Variants in CUL9 observed in about 807,000 individuals in gnomAD.
CUL9 encodes cullin 9.
Under a neutral mutation model 272.6 loss-of-function variants are expected in CUL9, and 79 were observed. That is an observed-to-expected ratio of 0.29 (90% CI 0.24 to 0.35). The LOEUF (loss-of-function observed/expected upper bound fraction) is 0.35. CUL9 is among the 10% of genes least tolerant of loss of function. CUL9 has a pLI of 1.00. For synonymous variants in CUL9, 1,186 were observed against 1,286.5 expected (o/e 0.92, Z 1.67); for missense variants, 2,532 against 3,255.6 (o/e 0.78, Z 5.41).
At chr6:43,216,652 T>A (rs187946903) in intron 31 of CUL9, 149 bp downstream of exon 31, 19 of 754,640 alleles carry the variant, frequency 2.5e-5, no homozygotes, top group Non-Finnish European at 3.3e-5. Flanking sequence ...TTAAACTAGT[T>A]TTGTCATCTG....
At chr6:43,185,881 G>A in intron 3 of CUL9, 74 bp from the exon 4 acceptor site, 2 of 1,515,432 alleles carry the variant, frequency 1.3e-6, no homozygotes, top group Middle Eastern at 1.8e-4. Flanking sequence ...TTTCTGTAGA[G>A]GAGGATACTT....
chr6:43,196,542 G>A, intron 10 of CUL9, 103 bp from the exon 11 acceptor site: 1 of 1,070,376 alleles, frequency 9.3e-7, no homozygotes, highest in Non-Finnish European at 1.5e-6. Flanking sequence ...AGGGCCCACT[G>A]GAGCCCTTTG....
intron 24 of CUL9, 81 bp from the exon 25 acceptor site, chr6:43,205,926 G>C: frequency 8.0e-7 from 1 of 1,243,690 alleles, no homozygotes. Flanking sequence ...CAGAGGGACA[G>C]AGGGACCTAC....
Position 43,224,103 on chromosome 6 carries a change from GGT to G in CUL9, c.7294_7295del (p.Val2432TrpfsTer38). 6.2e-7 allele frequency: 1 copy of G among 1,614,192 alleles called. No individual in the cohort carries two copies. Among genetic ancestry groups the G allele is most frequent in the Non-Finnish European group, 8.5e-7 (1 of 1,180,028 alleles). ...ILQHSAQDFRVGLQSPSVEAW... is the reference protein window; with the variant it reads ...ILQHSAQDFRXGLQSPSVEAW... ...TTCTGTCTGCTCACCAGGATTTCCG[GGT>G]TGGTCTTCAGAGTCCATCAGTAGAG... On this transcript the variant is annotated frameshift_variant, in exon 40 of 41. Transcript: ENST00000252050. LOFTEE classifies it high-confidence loss of function. This position sits in a 1 kb window ranked among gnomAD's most constrained non-coding sequence, Gnocchi z 4.2.
chr6:43,196,902 A>G lies in CUL9; in HGVS notation c.2803+40A>G, dbSNP rs767820052. The G allele has an allele frequency of 2.0e-6, 3 of 1,527,224 alleles. No individual in the cohort carries two copies. The South Asian group carries it at 3.4e-5, about 17-fold the overall frequency. The allele number at this position is 1,527,224 out of a possible 1,614,324, so 94.6% of individuals were successfully genotyped here. A position where few individuals can be genotyped will look rare whatever the true frequency, so the allele number is the denominator to read the frequency against. ...GGGTGGTTTTGCAGAGGAATCACACAGTGCCAGCCAGGTTTACATATCAGC... is the reference window on the plus strand; with the variant it reads ...GGGTGGTTTTGCAGAGGAATCACACGGTGCCAGCCAGGTTTACATATCAGC... On this transcript the variant is annotated intron_variant, in intron 11 of 40. Transcript: ENST00000252050.
rs777956158 is a variant in CUL9, at chr6:43,185,561, C to T, written c.701C>T (p.Thr234Ile). 6.2e-7 allele frequency: 1 copy of T among 1,613,862 alleles called. No homozygotes were observed. The highest frequency in any genetic ancestry group is 1.1e-5 in the South Asian group (1 of 91,086). ...YTLLELFAET[T>I]SSEEHCMAFE... Reference sequence around the variant, plus strand: ...TTGCTGGAGCTGTTTGCAGAAACCACATCCTCTGAAGAACACTGCATGGCC... The same window carrying T: ...TTGCTGGAGCTGTTTGCAGAAACCATATCCTCTGAAGAACACTGCATGGCC... The change falls in exon 3 of 41, where the codon ACA (threonine) becomes ATA (isoleucine). Residue 234 changes from threonine to isoleucine, a missense_variant. Around this residue, in one of 3 missense-constraint regions of CUL9, gnomAD observed 2,218 missense variants for 2,788.6 expected, o/e 0.80. Coordinates refer to ENST00000252050, the MANE Select transcript of CUL9 (RefSeq NM_015089.4).
chr6:43,191,311 G>GT (rs57206839), intron 8 of CUL9, among the ~76,000 whole-genome samples: 2,780 of 111,622 alleles, frequency 0.025, 126 homozygotes, highest in African/African-American at 0.097. Flanking sequence ...TTTTTTTTTT[G>GT]TTTGTTTTTT....
In CUL9 at chr6:43,221,187, G is replaced by A; in HGVS notation, c.6618G>A (p.Met2206Ile). The A allele has an allele frequency of 1.9e-6, 3 of 1,611,514 alleles. No homozygotes were observed. The highest frequency in any genetic ancestry group is 2.5e-6 in the Non-Finnish European group (3 of 1,179,982). ...ACTACCCTGCTAGCTGTGGCCATAT[G>A]TCTCAGTGGGTCGACGACGGTGGCT... Reference protein sequence around the residue: ...EAHYPASCGHMSQWVDDGGYY... With the variant: ...EAHYPASCGHISQWVDDGGYY... Residue 2206 changes from methionine (M) to isoleucine (I), a missense_variant, in exon 34 of 41, where the codon ATG becomes ATA. Transcript: ENST00000252050. The surrounding 1 kb of genome is among the most constrained non-coding windows in gnomAD (Gnocchi z 4.2).
Position 43,188,587 on chromosome 6 carries a change from C to T in CUL9, c.2052C>T (p.Val684=), listed in dbSNP as rs141369784. 3,752 of 1,614,154 alleles carry T rather than the reference C, an allele frequency of 2.3e-3. 8 individuals carry two copies. The highest frequency in any genetic ancestry group is 2.8e-3 in the Non-Finnish European group (3,348 of 1,180,032). Reference sequence around the variant, plus strand: ...CCCTGGATCAGCATGTGGCAGCGGTCGTGGCCACTGTGCAGATATCCAGCT... The same window carrying T: ...CCCTGGATCAGCATGTGGCAGCGGTTGTGGCCACTGTGCAGATATCCAGCT... ...RSSLDQHVAA[V]VATVQISSLD... Residue 684 remains valine, a synonymous_variant, in exon 8 of 41, where the codon GTC becomes GTT. Transcript: ENST00000252050.
chr6:43,214,039 C>A, intron 29 of CUL9, 127 bp downstream of exon 29: 3 of 904,946 alleles, frequency 3.3e-6, no homozygotes, highest in Admixed American at 2.2e-5. Flanking sequence ...GTTTTCTGTT[C>A]CTGACAGAGC....
At chr6:43,196,482 G>A in intron 10 of CUL9, 163 bp from the exon 11 acceptor site, 1 of 801,810 alleles carries the variant, frequency 1.2e-6, no homozygotes, top group South Asian at 1.6e-5. Flanking sequence ...TTCCCTTTAT[G>A]GGTTTGGGAG....
chr6:43,194,962 G>A (rs1773872357), intron 9 of CUL9, among the ~76,000 whole-genome samples: 1 of 152,134 alleles, frequency 6.6e-6, no homozygotes, highest in Non-Finnish European at 1.5e-5. Context: ...GGCTGAGGCG[G>A]GAGAATCGCT....
rs1562015701 is a variant in CUL9, at chr6:43,188,494, T to C, written c.1988-29T>C. ...TAACTTCAAGGTGCCACAGTTCTTT[T>C]AGCCATTGCCTTTTCCCACCAATTT... On this transcript the variant is annotated intron_variant, in intron 7 of 40. Coordinates refer to ENST00000252050, the MANE Select transcript of CUL9 (RefSeq NM_015089.4). 7 of 1,558,964 alleles carry C rather than the reference T, an allele frequency of 4.5e-6. No homozygotes were observed. The East Asian group carries it at 6.8e-5, about 15-fold the overall frequency.
In CUL9 at chr6:43,203,570, C is replaced by T. The variant is rs748989526; in HGVS notation, c.4003C>T (p.Arg1335Cys). 4.8e-5 allele frequency: 77 copies of T among 1,613,342 alleles called. No homozygotes were observed. The highest frequency in any genetic ancestry group is 6.2e-5 in the Non-Finnish European group (73 of 1,179,960). Reference sequence around the variant, plus strand: ...CCGGGACATAGCAGAGGACCACCGGCGCCTCCTCCAGCTCTGTCCCAGGTG... The same window carrying T: ...CCGGGACATAGCAGAGGACCACCGGTGCCTCCTCCAGCTCTGTCCCAGGTG... ...WSRDIAEDHR[R>C]LLQLCPRLNR... The change falls in exon 19 of 41, where the codon CGC becomes TGC. Residue 1335 changes from arginine to cysteine, a missense_variant. By Grantham distance (180) the Arg-to-Cys change is radical. Coordinates refer to ENST00000252050, the MANE Select transcript of CUL9 (RefSeq NM_015089.4). This position sits in a 1 kb window ranked among gnomAD's most constrained non-coding sequence, Gnocchi z 5.0.
chr6:43,198,572 TCATC>T, intron 11 of CUL9, 33 bp from the exon 12 acceptor site: 4 of 1,608,460 alleles, frequency 2.5e-6, no homozygotes, highest in Non-Finnish European at 3.4e-6. Flanking sequence ...GTAAGACTCT[TCATC>T]CACATTTTTC....
chr6:43,196,787 A>T lies in CUL9; in HGVS notation c.2728A>T (p.Met910Leu). Residue 910 changes from methionine to leucine, a missense_variant, in exon 11 of 41, where the codon ATG (methionine) becomes TTG (leucine). Physicochemically the swap from Met to Leu is conservative, Grantham distance 15. This residue lies in a region of CUL9 where 2,218 missense variants were observed against 2,788.6 expected (regional missense o/e 0.80). Transcript: ENST00000252050. ...HSGIAPRTEP[M>L]PTTRTILMML... ...AGGGATAGCACCAAGAACAGAACCT[A>T]TGCCTACCACACGCACCATCCTCAT... is the stretch of plus-strand genomic sequence containing the variant. The T allele has an allele frequency of 6.2e-7, 1 of 1,614,164 alleles. No individual in the cohort carries two copies. Among genetic ancestry groups the T allele is most frequent in the South Asian group, 1.1e-5 (1 of 91,080 alleles).
At position 43,216,621 on chromosome 6, in the gene CUL9, G is replaced by A. The variant is rs918249565; in HGVS notation, c.6282+118G>A. 3.2e-6 allele frequency: 3 copies of A among 943,340 alleles called. No individual in the cohort carries two copies. In the African/African-American group the frequency reaches 4.9e-5, roughly 15 times the overall value. 58.4% of individuals were successfully genotyped at this position (943,340 alleles called of 1,614,324 possible). ...CATTTTCATCACCTGGGCAATAGTGGATTTAGTCTCTTAGTCCTTCTTAAA... is the reference window on the plus strand; with the variant it reads ...CATTTTCATCACCTGGGCAATAGTGAATTTAGTCTCTTAGTCCTTCTTAAA... On this transcript the variant is annotated intron_variant, in intron 31 of 40. Transcript: ENST00000252050.
intron 37 of CUL9, 52 bp downstream of exon 37, chr6:43,222,693 G>C: frequency 6.2e-7 from 1 of 1,604,960 alleles, no homozygotes; most frequent in Non-Finnish European, 8.5e-7. Flanking sequence ...AAATGGGTCT[G>C]GGGGGCTTGG....
At position 43,222,761 on chromosome 6, in the gene CUL9, T is replaced by G; in HGVS notation, c.7033-18T>G. On this transcript the variant is annotated intron_variant, in intron 37 of 40. Transcript: ENST00000252050. ...ATGAGGAGAGGGCAGGCGGGAGAGCTGATGGGAGCCCCTGCAGGTGCTGGC... is the reference window on the plus strand; with the variant it reads ...ATGAGGAGAGGGCAGGCGGGAGAGCGGATGGGAGCCCCTGCAGGTGCTGGC... 6.2e-7 allele frequency: 1 copy of G among 1,611,928 alleles called. No individual in the cohort carries two copies. The highest frequency in any genetic ancestry group is 8.5e-7 in the Non-Finnish European group (1 of 1,178,370).
Sources: gnomAD v4.1 joint callset for allele counts (sites outside exome capture counted in the v4.1 genomes callset) on GRCh38, gnomAD v4.1.1 for gene constraint, gnomAD v4.1.1 regional missense constraint, Gnocchi (gnomAD v3.1) non-coding constraint, MANE v1.5 for transcripts, NCBI Gene and HGNC (gene_info 2026-07-23, HGNC 2026-07-21) for gene names.